The following ABCA4 variants were observed in gnomAD, a reference collection of about 807,000 sequenced individuals.
ABCA4 encodes ATP binding cassette subfamily A member 4.
ABCA4 carries 196 observed loss-of-function variants against 263.7 expected under a neutral mutation model. That is an observed-to-expected ratio of 0.74 (90% CI 0.66 to 0.84). The LOEUF (loss-of-function observed/expected upper bound fraction) is 0.84, where lower values mean the gene tolerates loss of function less well. Ranked by LOEUF, ABCA4 falls within the 40% of genes least tolerant of loss-of-function variation. The pLI is 0.00. For synonymous variants in ABCA4, 1,133 were observed against 1,094.2 expected, an observed-to-expected ratio of 1.04 and a Z score of -0.70; for missense variants, 2,792 against 2,855.1, an observed-to-expected ratio of 0.98 and a Z score of 0.50.
chr1:94,119,374 C>T (rs1662885735), intron 1 of ABCA4, among the ~76,000 whole-genome samples: 2 of 152,190 alleles, frequency 1.3e-5, no homozygotes, highest in Non-Finnish European at 2.9e-5. Flanking sequence ...CCCCTGCAGC[C>T]TCCCTGCGTC....
chr1:94,078,491 T>C (rs1489252946), intron 10 of ABCA4, 99 bp downstream of exon 10: 3 of 963,284 alleles, frequency 3.1e-6, no homozygotes, highest in Non-Finnish European at 5.0e-6. Flanking sequence ...CTAACTCCAA[T>C]AGCGATTAAC....
At chr1:93,998,926 T>C (rs1470560369) in intron 47 of ABCA4, among the ~76,000 whole-genome samples, 7 of 144,434 alleles carry the variant, frequency 4.8e-5, no homozygotes, top group Non-Finnish European at 1.1e-4. Flanking sequence ...TTTTTTTGTA[T>C]TTTTAGTAGA....
intron 18 of ABCA4, among the ~76,000 whole-genome samples, chr1:94,047,399 C>A (rs565337587): frequency 6.6e-6 from 1 of 152,282 alleles, no homozygotes; most frequent in African/African-American, 2.4e-5. Flanking sequence ...ACCTTAGACA[C>A]AGAGACATCA....
intron 1 of ABCA4, among the ~76,000 whole-genome samples, chr1:94,120,697 G>T (rs1285354445): frequency 6.6e-6 from 1 of 151,478 alleles, no homozygotes; most frequent in Admixed American, 6.6e-5. Context: ...AACGGGGGGT[G>T]GGGGAGGGGC....
chr1:94,111,628 G>A (rs1662608139), intron 2 of ABCA4, 49 bp from the exon 3 acceptor site: 1 of 1,609,976 alleles, frequency 6.2e-7, no homozygotes. Context: ...TGGAGACCAA[G>A]CAGGATGCAG....
At chr1:94,029,388 C>A (rs1660133664) in intron 30 of ABCA4, 57 bp downstream of exon 30, 6 of 1,409,036 alleles carry the variant, frequency 4.3e-6, no homozygotes, top group Non-Finnish European at 5.8e-6. Context: ...ACCAGGGACT[C>A]CCCTAGTCCC....
chr1:94,042,098 CAAAAAAAA>C (rs11334956), intron 22 of ABCA4, among the ~76,000 whole-genome samples: 52 of 81,236 alleles, frequency 6.4e-4, no homozygotes, highest in African/African-American at 2.3e-3. Flanking sequence ...GATTCTGTCT[CAAAAAAAA>C]AAAAAAAAAA....
intron 26 of ABCA4, among the ~76,000 whole-genome samples, chr1:94,033,286 C>T (rs183400616): frequency 7.2e-5 from 11 of 151,798 alleles, no homozygotes; most frequent in Non-Finnish European, 1.2e-4. Flanking sequence ...TAGCCAGGCA[C>T]GGTGGCGTGT....
chr1:94,062,521 C>CCCCCCCA, intron 13 of ABCA4, 56 bp downstream of exon 13: 3 of 1,588,632 alleles, frequency 1.9e-6, no homozygotes, highest in Non-Finnish European at 1.7e-6. Context: ...CACCCCAGCC[C>CCCCCCCA]ACTCCAGCAC....
intron 1 of ABCA4, among the ~76,000 whole-genome samples, chr1:94,119,185 A>G (rs1662881940): frequency 6.6e-6 from 1 of 151,612 alleles, no homozygotes; most frequent in Admixed American, 6.6e-5. Context: ...TTTTTTTTCC[A>G]GTTTTATCAG....
At chr1:94,081,657 A>G (rs974760451) in intron 7 of ABCA4, among the ~76,000 whole-genome samples, 1 of 151,598 alleles carries the variant, frequency 6.6e-6, no homozygotes, top group African/African-American at 2.4e-5. Flanking sequence ...AATTCTAGCA[A>G]ATACAGAACA....
intron 11 of ABCA4, among the ~76,000 whole-genome samples, chr1:94,067,045 G>A (rs540672485): frequency 1.3e-5 from 2 of 152,250 alleles, no homozygotes; most frequent in African/African-American, 2.4e-5. Flanking sequence ...CTTGTTCGCC[G>A]TGGTCTCTAG....
At chr1:93,998,147 A>G (rs1225026328) in intron 47 of ABCA4, 37 bp from the exon 48 acceptor site, 2 of 1,613,782 alleles carry the variant, frequency 1.2e-6, no homozygotes, top group Non-Finnish European at 8.5e-7. Context: ...GGCCTCTGTT[A>G]GTGGTTGGGC....
intron 7 of ABCA4, among the ~76,000 whole-genome samples, chr1:94,082,920 A>G (rs1661739420): frequency 6.6e-6 from 1 of 152,274 alleles, no homozygotes; most frequent in South Asian, 2.1e-4. Flanking sequence ...TTATGATGAA[A>G]TAAGCCAACA....
intron 24 of ABCA4, 52 bp from the exon 25 acceptor site, chr1:94,037,402 A>G: frequency 6.4e-7 from 1 of 1,553,240 alleles, no homozygotes; most frequent in Non-Finnish European, 8.9e-7. Flanking sequence ...AAACTGGAAG[A>G]CTGTGAGGTT....
At chr1:94,109,023 C>A (rs1457200735) in intron 3 of ABCA4, among the ~76,000 whole-genome samples, 1 of 152,164 alleles carries the variant, frequency 6.6e-6, no homozygotes, top group African/African-American at 2.4e-5. Flanking sequence ...CCACCCGCCT[C>A]AGCCTCCCAA....
At position 94,089,078 on chromosome 1, in the gene ABCA4, A is replaced by C. The variant is rs566406984; in HGVS notation, c.769-5637T>G. 8.6e-5 allele frequency among the ~76,000 whole-genome samples: 13 copies of C among 151,486 alleles called. No individual in the cohort carries two copies. In the South Asian group the frequency reaches 2.7e-3, roughly 32 times the overall value. On this transcript the variant is annotated intron_variant, in intron 6 of 49. Transcript: ENST00000370225. Reference sequence around the variant, plus strand: ...GCCCCAGGCACACTCTGGTCTTGAAACTCCACCACACATCACATGAACACT... The same window carrying C: ...GCCCCAGGCACACTCTGGTCTTGAACCTCCACCACACATCACATGAACACT...
chr1:94,042,232 C>T (rs12067330), intron 22 of ABCA4, among the ~76,000 whole-genome samples: 4,686 of 152,130 alleles, frequency 0.031, 244 homozygotes, highest in African/African-American at 0.11. Context: ...GGCTTGACCA[C>T]GGGGTTGAAC....
At chr1:94,105,824 A>G (rs1464988757) in intron 4 of ABCA4, among the ~76,000 whole-genome samples, 1 of 152,174 alleles carries the variant, frequency 6.6e-6, no homozygotes, top group Non-Finnish European at 1.5e-5. Flanking sequence ...TTGCCATGAA[A>G]GAAAACCTCT....
Sources: allele counts gnomAD v4.1 joint callset (sites outside exome capture counted in the v4.1 genomes callset), GRCh38; gene constraint gnomAD v4.1.1; transcripts MANE v1.5; gene names NCBI Gene and HGNC (gene_info 2026-07-23, HGNC 2026-07-21).